FOXP2: variants seen among roughly 807,000 people sequenced by gnomAD.
FOXP2 encodes forkhead box P2.
A neutral mutation model predicts 115.8 loss-of-function variants in FOXP2; 12 were observed. The ratio of observed to expected loss-of-function variants is 0.10; its 90% CI spans 0.07 to 0.17. The LOEUF (loss-of-function observed/expected upper bound fraction) is 0.17. Ranked by LOEUF, FOXP2 falls within the 10% of genes least tolerant of loss-of-function variation. FOXP2 has a pLI of 1.00. For missense variants in FOXP2, 629 were observed against 843.5 expected, an observed-to-expected ratio of 0.75 and a Z score of 3.15; for synonymous variants, 328 against 297.7, an observed-to-expected ratio of 1.10 and a Z score of -1.05.
chr7:114,267,751 A>G (rs867925318), intron 1 of FOXP2, among the ~76,000 whole-genome samples: 2 of 144,324 alleles, frequency 1.4e-5, no homozygotes, highest in African/African-American at 2.7e-5. Context: ...AAATAAATAA[A>G]TAAATAAATA....
At chr7:114,641,804 T>G (rs1226889441) in intron 6 of FOXP2, among the ~76,000 whole-genome samples, 1 of 151,802 alleles carries the variant, frequency 6.6e-6, no homozygotes, top group Non-Finnish European at 1.5e-5. Flanking sequence ...TATTTTTATT[T>G]TTTATTTTTT....
chr7:114,332,456 A>G (rs1233277226), intron 2 of FOXP2, among the ~76,000 whole-genome samples: 1 of 152,168 alleles, frequency 6.6e-6, no homozygotes, highest in Non-Finnish European at 1.5e-5. Context: ...CTTACTGTTT[A>G]AAGACAAAAC....
intron 1 of FOXP2, among the ~76,000 whole-genome samples, chr7:114,287,311 GT>G (rs1311017398): frequency 6.6e-6 from 1 of 151,898 alleles, no homozygotes; most frequent in Admixed American, 6.6e-5. Flanking sequence ...ACAAATTTGT[GT>G]TGGGCTGCAT....
intron 1 of FOXP2, among the ~76,000 whole-genome samples, chr7:114,113,591 A>G (rs1250235783): frequency 1.3e-5 from 2 of 152,048 alleles, no homozygotes; most frequent in East Asian, 3.9e-4. Context: ...GATGGTCTCA[A>G]ACTCCTGGCA....
At chr7:114,101,947 G>A (rs1012186367) in intron 1 of FOXP2, among the ~76,000 whole-genome samples, 1 of 139,664 alleles carries the variant, frequency 7.2e-6, no homozygotes, top group African/African-American at 2.6e-5. Context: ...GTGTCTAGAA[G>A]GCAAAAGCAG....
At position 114,689,947 on chromosome 7, in the gene FOXP2, A is replaced by C. The variant is rs1808572328; in HGVS notation, c.*21A>C. 1.2e-6 allele frequency: 2 copies of C among 1,611,792 alleles called. No individual in the cohort carries two copies. The highest frequency in any genetic ancestry group is 2.2e-5 in the South Asian group (2 of 91,056). ...AATGAGAACTGACTTGTGAAACCTC[A>C]GCGTGAAGGGACATATCACTGACCT... On this transcript the variant is annotated 3_prime_UTR_variant, in exon 17 of 17. Coordinates refer to ENST00000350908, the MANE Select transcript of FOXP2 (RefSeq NM_014491.4).
intron 8 of FOXP2, 29 bp from the exon 9 acceptor site, chr7:114,652,174 A>G (rs1158532058): frequency 2.5e-6 from 4 of 1,607,566 alleles, no homozygotes; most frequent in Middle Eastern, 1.7e-4. Context: ...ATCACTTTAC[A>G]TTCTGTTTTG....
At chr7:114,167,109 A>C (rs889279726) in intron 1 of FOXP2, among the ~76,000 whole-genome samples, 10 of 152,244 alleles carry the variant, frequency 6.6e-5, no homozygotes, top group Non-Finnish European at 1.3e-4. Flanking sequence ...TGAAAACGTA[A>C]GTCCACACAA....
At chr7:114,197,976 C>T (rs1793955034) in intron 1 of FOXP2, among the ~76,000 whole-genome samples, 1 of 151,886 alleles carries the variant, frequency 6.6e-6, no homozygotes, top group Admixed American at 6.6e-5. Flanking sequence ...GCGATCCTCC[C>T]ACCTCAGCAC....
intron 1 of FOXP2, among the ~76,000 whole-genome samples, chr7:114,214,299 A>G (rs1184400853): frequency 6.6e-6 from 1 of 152,174 alleles, no homozygotes; most frequent in African/African-American, 2.4e-5. Context: ...TCACAGTCCT[A>G]CTATACAGCA....
chr7:114,301,402 G>A (rs1259732711), intron 2 of FOXP2, among the ~76,000 whole-genome samples: 1 of 152,058 alleles, frequency 6.6e-6, no homozygotes, highest in Non-Finnish European at 1.5e-5. Flanking sequence ...TCATTATTGT[G>A]GATGACTACC....
At chr7:114,469,313 G>A in intron 2 of FOXP2, among the ~76,000 whole-genome samples, 1 of 152,114 alleles carries the variant, frequency 6.6e-6, no homozygotes, top group Admixed American at 6.6e-5. Flanking sequence ...ATTACACCAT[G>A]ATATATGAGA....
At position 114,670,486 on chromosome 7, in the gene FOXP2, C is replaced by G. The variant is rs554823403; in HGVS notation, c.2003+6050C>G. On this transcript the variant is annotated intron_variant, in intron 16 of 16. Coordinates refer to ENST00000350908, the MANE Select transcript of FOXP2 (RefSeq NM_014491.4). ...TACGACATCCTCTTCTTCTTCATAA[C>G]CTCAGTTGTTAAATCATTTCAATAT... Among the ~76,000 whole-genome samples, 11 of 152,104 alleles carry G rather than the reference C, an allele frequency of 7.2e-5. No homozygotes were observed. The East Asian group carries it at 2.1e-3, about 29-fold the overall frequency.
chr7:114,300,932 T>A (rs1444967754), intron 2 of FOXP2, among the ~76,000 whole-genome samples: 2 of 152,028 alleles, frequency 1.3e-5, no homozygotes, highest in South Asian at 2.1e-4. Context: ...CTTAGCCCCA[T>A]GAGACAATGA....
chr7:114,269,823 G>A (rs1795990253), intron 1 of FOXP2, among the ~76,000 whole-genome samples: 2 of 152,016 alleles, frequency 1.3e-5, no homozygotes, highest in South Asian at 4.2e-4. Context: ...TTACAATTTT[G>A]TATCAAAGAT....
At chr7:114,500,000 G>C (rs1472348085) in intron 2 of FOXP2, among the ~76,000 whole-genome samples, 1 of 152,042 alleles carries the variant, frequency 6.6e-6, no homozygotes, top group African/African-American at 2.4e-5. Flanking sequence ...TGGATCACGA[G>C]GTCAGGAGAT....
intron 1 of FOXP2, among the ~76,000 whole-genome samples, chr7:114,194,014 C>A (rs1224262599): frequency 8.8e-6 from 1 of 113,766 alleles, no homozygotes; most frequent in Non-Finnish European, 2.1e-5. Flanking sequence ...TTTTACTAAG[C>A]CTTGCTGTAA....
chr7:114,555,780 G>A (rs1800425974), intron 3 of FOXP2, among the ~76,000 whole-genome samples: 1 of 152,082 alleles, frequency 6.6e-6, no homozygotes, highest in African/African-American at 2.4e-5. Context: ...CTGGGCAACA[G>A]AGCAAGACTG....
At chr7:114,587,880 A>ATATATATATAT (rs1190124247) in intron 3 of FOXP2, among the ~76,000 whole-genome samples, 13 of 61,498 alleles carry the variant, frequency 2.1e-4, no homozygotes, top group Non-Finnish European at 4.0e-4. Flanking sequence ...GAGATAATTA[A>ATATATATATAT]ATCCACCTTT....
Sources: gnomAD v4.1 joint callset for allele counts (sites outside exome capture counted in the v4.1 genomes callset) on GRCh38, gnomAD v4.1.1 for gene constraint, MANE v1.5 for transcripts, NCBI Gene and HGNC (gene_info 2026-07-23, HGNC 2026-07-21) for gene names.